HS3ST3A1: variants seen among roughly 807,000 people sequenced by gnomAD.
HS3ST3A1 encodes the protein heparan sulfate glucosamine 3-O-sulfotransferase 3A1.
In HS3ST3A1, 19 loss-of-function variants were observed where a neutral mutation model predicts 25.7. The observed-to-expected ratio is 0.74, with a 90% CI of 0.52 to 1.08. HS3ST3A1 has a LOEUF of 1.08. HS3ST3A1 is among the 50% of genes least tolerant of loss of function. The pLI, the probability that HS3ST3A1 is intolerant of heterozygous loss-of-function variation, is 0.00. For missense variants in HS3ST3A1, 459 were observed against 594.3 expected, an observed-to-expected ratio of 0.77 and a Z score of 2.37; for synonymous variants, 226 against 278.6, an observed-to-expected ratio of 0.81 and a Z score of 1.88.
At chr17:13,568,346 T>G (rs1311177070) in intron 1 of HS3ST3A1, among the ~76,000 whole-genome samples, 1 of 152,250 alleles carries the variant, frequency 6.6e-6, no homozygotes, top group Non-Finnish European at 1.5e-5. Flanking sequence ...CACTTTATTG[T>G]AATATTTGCT....
chr17:13,552,977 C>T (rs140397437), intron 1 of HS3ST3A1, among the ~76,000 whole-genome samples: 36 of 152,302 alleles, frequency 2.4e-4, no homozygotes, highest in African/African-American at 7.9e-4. Flanking sequence ...GAAAAGTTGC[C>T]TGTAGTGCCA....
intron 1 of HS3ST3A1, among the ~76,000 whole-genome samples, chr17:13,510,455 G>A (rs1009226930): frequency 5.9e-5 from 9 of 152,298 alleles, no homozygotes; most frequent in South Asian, 4.1e-4. Context: ...AAGGTTCTTC[G>A]TCATATTTTG....
intron 1 of HS3ST3A1, among the ~76,000 whole-genome samples, chr17:13,525,544 T>C (rs1330592640): frequency 6.6e-6 from 1 of 152,214 alleles, no homozygotes; most frequent in Non-Finnish European, 1.5e-5. Flanking sequence ...TTTTGCATGA[T>C]ACTCAGTTAA....
chr17:13,565,846 G>A (rs907209170), intron 1 of HS3ST3A1, among the ~76,000 whole-genome samples: 8 of 152,118 alleles, frequency 5.3e-5, no homozygotes, highest in Non-Finnish European at 7.4e-5. Flanking sequence ...AGTTCTCCAC[G>A]TTCTGTCCTC....
chr17:13,532,564 A>AG lies in HS3ST3A1; in HGVS notation c.600-35747dup, dbSNP rs528274962. 4.0e-3 allele frequency among the ~76,000 whole-genome samples: 616 copies of AG among 152,128 alleles called. 4 individuals are homozygous for AG. Among genetic ancestry groups the AG allele is most frequent in the African/African-American group, 0.013 (551 of 41,502 alleles). Reference sequence around the variant, plus strand: ...GTTTTCCAGGAGAGTCCAGGGCCCGAGGGGGGCCAGAATGAAAGGGGAATA... The same window carrying AG: ...GTTTTCCAGGAGAGTCCAGGGCCCGAGGGGGGGCCAGAATGAAAGGGGAATA... On this transcript the variant is annotated intron_variant, in intron 1 of 1. Coordinates refer to ENST00000284110, the MANE Select transcript of HS3ST3A1 (RefSeq NM_006042.3).
chr17:13,494,462 G>T lies in HS3ST3A1; in HGVS notation c.*1735C>A, dbSNP rs1905217549. On this transcript the variant is annotated 3_prime_UTR_variant, in exon 2 of 2. Coordinates refer to ENST00000284110, the MANE Select transcript of HS3ST3A1 (RefSeq NM_006042.3). The stretch of plus-strand genomic sequence containing the variant: ...TCAAGAAATATTTACATCACCTAAT[G>T]CAGCAGCTATGGTAAATGTACAATT... 6.6e-6 allele frequency among the ~76,000 whole-genome samples: 1 copy of T among 152,160 alleles called. No homozygotes were observed. Among genetic ancestry groups the T allele is most frequent in the African/African-American group, 2.4e-5 (1 of 41,438 alleles).
chr17:13,551,615 GA>G (rs3837822), intron 1 of HS3ST3A1, among the ~76,000 whole-genome samples: 65,217 of 126,684 alleles, frequency 0.51, 15,166 homozygotes, highest in Middle Eastern at 0.61. Context: ...TTCATTCCAA[GA>G]AAAAAAAAAG....
intron 1 of HS3ST3A1, among the ~76,000 whole-genome samples, chr17:13,523,866 T>C (rs1248526444): frequency 6.6e-6 from 1 of 152,214 alleles, no homozygotes; most frequent in Non-Finnish European, 1.5e-5. Flanking sequence ...CATTGTTTTA[T>C]TACTTTTTGT....
chr17:13,506,276 T>A (rs1243568248), intron 1 of HS3ST3A1, among the ~76,000 whole-genome samples: 2 of 152,172 alleles, frequency 1.3e-5, no homozygotes, highest in African/African-American at 2.4e-5. Flanking sequence ...AGCTGTGTGA[T>A]CTTGGGCAAA....
At chr17:13,579,701 C>CAAAAAAAAAAAA (rs543748713) in intron 1 of HS3ST3A1, among the ~76,000 whole-genome samples, 4 of 23,666 alleles carry the variant, frequency 1.7e-4, no homozygotes, top group African/African-American at 3.8e-4. Flanking sequence ...ACTCCATCTC[C>CAAAAAAAAAAAA]AAAAAAAAAA....
At chr17:13,559,457 C>T (rs976507256) in intron 1 of HS3ST3A1, among the ~76,000 whole-genome samples, 2 of 150,332 alleles carry the variant, frequency 1.3e-5, no homozygotes, top group Non-Finnish European at 3.0e-5. Flanking sequence ...TATTCAATTA[C>T]ATACATATAT....
At chr17:13,573,923 A>G (rs1176177115) in intron 1 of HS3ST3A1, among the ~76,000 whole-genome samples, 1 of 152,114 alleles carries the variant, frequency 6.6e-6, no homozygotes, top group Non-Finnish European at 1.5e-5. Flanking sequence ...TGCAAACCAG[A>G]AAGAGTGCCC....
intron 1 of HS3ST3A1, among the ~76,000 whole-genome samples, chr17:13,569,344 A>G (rs765689178): frequency 1.3e-5 from 2 of 152,240 alleles, no homozygotes; most frequent in African/African-American, 2.4e-5. Flanking sequence ...AGAGAGAAGT[A>G]GATCACTTCT....
chr17:13,539,222 A>G (rs1467145560), intron 1 of HS3ST3A1, among the ~76,000 whole-genome samples: 1 of 152,228 alleles, frequency 6.6e-6, no homozygotes, highest in East Asian at 1.9e-4. Context: ...TGGAGTTGGC[A>G]CAACATTGCT....
intron 1 of HS3ST3A1, among the ~76,000 whole-genome samples, chr17:13,577,940 A>T (rs1907991274): frequency 6.6e-6 from 1 of 152,166 alleles, no homozygotes; most frequent in Admixed American, 6.5e-5. Context: ...CAAAACGGGC[A>T]TCTTCACACT....
chr17:13,600,504 GC>G, intron 1 of HS3ST3A1, 26 bp downstream of exon 1: 2 of 1,562,374 alleles, frequency 1.3e-6, no homozygotes, highest in South Asian at 1.2e-5. Flanking sequence ...GGATCCTTCA[GC>G]CCCAGCCCGG....
chr17:13,516,545 C>T (rs1453119827), intron 1 of HS3ST3A1, among the ~76,000 whole-genome samples: 1 of 152,228 alleles, frequency 6.6e-6, no homozygotes, highest in Non-Finnish European at 1.5e-5. Context: ...TGCCTAGACC[C>T]AAGTCATGAA....
chr17:13,504,681 T>C (rs1905599327), intron 1 of HS3ST3A1, among the ~76,000 whole-genome samples: 1 of 152,210 alleles, frequency 6.6e-6, no homozygotes, highest in African/African-American at 2.4e-5. Flanking sequence ...TGGACCAATA[T>C]CCCATAATGC....
At chr17:13,556,847 G>A (rs9899316) in intron 1 of HS3ST3A1, among the ~76,000 whole-genome samples, 50,336 of 143,030 alleles carry the variant, frequency 0.35, 11,165 homozygotes, top group African/African-American at 0.65. Flanking sequence ...GCGAAACTCC[G>A]CCTAAAAAAA....
Sources: allele counts gnomAD v4.1 joint callset (sites outside exome capture counted in the v4.1 genomes callset), GRCh38; gene constraint gnomAD v4.1.1; transcripts MANE v1.5; gene names NCBI Gene and HGNC (gene_info 2026-07-23, HGNC 2026-07-21).